GRIK2: variants seen among roughly 807,000 people sequenced by gnomAD.
GRIK2 encodes the protein glutamate receptor ionotropic, kainate 2.
A neutral mutation model predicts 100.3 loss-of-function variants in GRIK2; 32 were observed. The observed-to-expected ratio is 0.32, with a 90% confidence interval of 0.24 to 0.43. The LOEUF is 0.43. Among genes scored for constraint, GRIK2 ranks in the 20% least tolerant of loss-of-function variants. The pLI is 1.00. For synonymous variants in GRIK2, 417 were observed against 389.4 expected, an observed-to-expected ratio of 1.07 and a Z score of -0.83; for missense variants, 843 against 1,114.9, an observed-to-expected ratio of 0.76 and a Z score of 3.47.
intron 2 of GRIK2, among the ~76,000 whole-genome samples, chr6:101,586,368 C>G (rs934975952): frequency 2.0e-5 from 3 of 152,118 alleles, no homozygotes; most frequent in Non-Finnish European, 2.9e-5. Context: ...ATTTTACTCT[C>G]CTCATGGTAC....
chr6:101,885,513 A>G (rs1786551178), intron 11 of GRIK2, among the ~76,000 whole-genome samples: 1 of 152,098 alleles, frequency 6.6e-6, no homozygotes, highest in African/African-American at 2.4e-5. Context: ...AGGAAATCAC[A>G]CTACAAATTT....
intron 14 of GRIK2, among the ~76,000 whole-genome samples, chr6:101,971,345 C>T (rs1447412049): frequency 6.6e-6 from 1 of 151,802 alleles, no homozygotes; most frequent in East Asian, 1.9e-4. Context: ...TTCTTGTAAA[C>T]ATTTTATTTT....
At chr6:101,412,839 T>C (rs1023234506) in intron 2 of GRIK2, among the ~76,000 whole-genome samples, 1 of 151,986 alleles carries the variant, frequency 6.6e-6, no homozygotes, top group African/African-American at 2.4e-5. Flanking sequence ...TTTCTATTGG[T>C]ACGGGATAAA....
At chr6:101,718,260 TA>T (rs1316640609) in intron 7 of GRIK2, among the ~76,000 whole-genome samples, 2 of 151,834 alleles carry the variant, frequency 1.3e-5, no homozygotes, top group Non-Finnish European at 2.9e-5. Context: ...CAGGAGATTA[TA>T]ACACATTGGA....
At chr6:101,841,263 A>C (rs1045379238) in intron 10 of GRIK2, among the ~76,000 whole-genome samples, 5 of 152,170 alleles carry the variant, frequency 3.3e-5, no homozygotes, top group African/African-American at 1.2e-4. Flanking sequence ...ACTATCCTGT[A>C]CTTAAATAGA....
chr6:101,800,515 C>T (rs1004124266), intron 8 of GRIK2, among the ~76,000 whole-genome samples: 3 of 152,036 alleles, frequency 2.0e-5, no homozygotes, highest in South Asian at 4.2e-4. Context: ...AATGAAATAT[C>T]ACAGGTATTA....
At chr6:101,405,446 T>A (rs983300306) in intron 2 of GRIK2, among the ~76,000 whole-genome samples, 1 of 152,198 alleles carries the variant, frequency 6.6e-6, no homozygotes, top group Non-Finnish European at 1.5e-5. Flanking sequence ...AAATTCTCTA[T>A]GTTCTATAAC....
chr6:101,994,761 AATAC>A (rs1472226943), intron 14 of GRIK2, among the ~76,000 whole-genome samples: 1 of 151,856 alleles, frequency 6.6e-6, no homozygotes, highest in East Asian at 1.9e-4. Context: ...AATTTCACTT[AATAC>A]ATAGCATCTT....
In GRIK2 at chr6:101,686,783, G is replaced by A. The variant is rs185330642; in HGVS notation, c.951+430G>A. Among the ~76,000 whole-genome samples, 665 of 152,096 alleles carry A rather than the reference G, an allele frequency of 4.4e-3. 2 individuals are homozygous for A. Among genetic ancestry groups the A allele is most frequent in the South Asian group, 8.9e-3 (43 of 4,812 alleles). ...GTCACACAAAACACACAAAATTCTC[G>A]CATGAGCTTACTCACTCTTTAAGGC... On this transcript the variant is annotated intron_variant, in intron 7 of 16. Transcript: ENST00000369134.
At chr6:101,649,021 C>T (rs1288336127) in intron 4 of GRIK2, among the ~76,000 whole-genome samples, 1 of 152,158 alleles carries the variant, frequency 6.6e-6, no homozygotes, top group Non-Finnish European at 1.5e-5. Context: ...CCCCATGACT[C>T]AATTATCTTC....
At chr6:101,485,984 T>C (rs1157341299) in intron 2 of GRIK2, among the ~76,000 whole-genome samples, 1 of 151,924 alleles carries the variant, frequency 6.6e-6, no homozygotes, top group East Asian at 1.9e-4. Context: ...TATAAAGCAT[T>C]ATATTAAACC....
At position 101,924,597 on chromosome 6, in the gene GRIK2, A is replaced by T; in HGVS notation, c.1749-4A>T. The T allele has an allele frequency of 2.1e-6, 3 of 1,425,898 alleles. No individual in the cohort carries two copies. Among genetic ancestry groups the T allele is most frequent in the Non-Finnish European group, 3.0e-6 (3 of 1,011,634 alleles). The allele number at this position is 1,425,898 out of a possible 1,614,324, so 88.3% of individuals were successfully genotyped here. Reference sequence around the variant, plus strand: ...TGTATTCTTTTTTCTGTCAATTACCACAGGTTTAGTCCTTATGAGTGGTAT... The same window carrying T: ...TGTATTCTTTTTTCTGTCAATTACCTCAGGTTTAGTCCTTATGAGTGGTAT... On this transcript the variant is annotated splice_region_variant and splice_polypyrimidine_tract_variant and intron_variant, in intron 12 of 16. Transcript: ENST00000369134.
intron 7 of GRIK2, among the ~76,000 whole-genome samples, chr6:101,710,403 T>G (rs982143358): frequency 4.6e-5 from 7 of 151,864 alleles, no homozygotes; most frequent in Non-Finnish European, 7.4e-5. Context: ...AAGGTGATTG[T>G]GAAGATCAAA....
At chr6:101,714,815 A>G (rs962746664) in intron 7 of GRIK2, among the ~76,000 whole-genome samples, 2 of 151,764 alleles carry the variant, frequency 1.3e-5, no homozygotes, top group East Asian at 3.9e-4. Context: ...TTGAATTTCA[A>G]ATCAGAGGAA....
At chr6:101,968,348 A>G (rs1792826102) in intron 14 of GRIK2, among the ~76,000 whole-genome samples, 1 of 152,034 alleles carries the variant, frequency 6.6e-6, no homozygotes, top group Non-Finnish European at 1.5e-5. Context: ...TATATTTCCT[A>G]CAGAGTTAAA....
intron 2 of GRIK2, among the ~76,000 whole-genome samples, chr6:101,616,858 C>A (rs895471658): frequency 6.6e-6 from 1 of 151,522 alleles, no homozygotes; most frequent in Admixed American, 6.6e-5. Flanking sequence ...TGAACATTTT[C>A]TTACATTTAG....
intron 2 of GRIK2, among the ~76,000 whole-genome samples, chr6:101,544,869 G>A (rs749372218): frequency 6.6e-6 from 1 of 152,162 alleles, no homozygotes; most frequent in Admixed American, 6.5e-5. Flanking sequence ...GTTACAATCT[G>A]CCAATTTCTT....
chr6:101,685,612 G>A (rs1771621442), intron 6 of GRIK2, among the ~76,000 whole-genome samples: 1 of 152,108 alleles, frequency 6.6e-6, no homozygotes, highest in Non-Finnish European at 1.5e-5. Flanking sequence ...AACTTATAGT[G>A]AAGTTCCTAG....
intron 14 of GRIK2, among the ~76,000 whole-genome samples, chr6:101,958,214 G>C (rs1792060617): frequency 7.6e-6 from 1 of 132,168 alleles, no homozygotes; most frequent in Non-Finnish European, 1.6e-5. Context: ...TTTTCTTTTA[G>C]AGAGCTTTAC....
Sources: allele counts gnomAD v4.1 joint callset (sites outside exome capture counted in the v4.1 genomes callset), GRCh38; gene constraint gnomAD v4.1.1; transcripts MANE v1.5; gene names NCBI Gene and HGNC (gene_info 2026-07-23, HGNC 2026-07-21).